The following SNX29 variants were observed in gnomAD, a reference collection of about 807,000 sequenced individuals.
SNX29 encodes the protein sorting nexin-29.
SNX29 carries 78 observed loss-of-function variants against 102.1 expected under a neutral mutation model. The ratio of observed to expected loss-of-function variants is 0.76; its 90% CI spans 0.64 to 0.92. SNX29 has a LOEUF of 0.92. Ranked by LOEUF, SNX29 falls within the 40% of genes least tolerant of loss-of-function variation. The pLI is 0.00. For missense variants in SNX29, 1,280 were observed against 1,061.7 expected (o/e 1.21, Z -2.86); for synonymous variants, 580 against 414.5 (o/e 1.40, Z -4.85).
chr16:12,404,904 A>G (rs1212397184), intron 18 of SNX29, among the ~76,000 whole-genome samples: 2 of 152,210 alleles, frequency 1.3e-5, no homozygotes, highest in African/African-American at 2.4e-5. Context: ...CTTACTGGAA[A>G]TCTTAGGGAC....
At chr16:12,283,601 G>C (rs770588342) in intron 15 of SNX29, among the ~76,000 whole-genome samples, 4 of 152,220 alleles carry the variant, frequency 2.6e-5, no homozygotes, top group Non-Finnish European at 5.9e-5. Flanking sequence ...TTACAGGCAT[G>C]AGCCACTTGC....
chr16:12,101,767 T>C (rs2053032438), intron 11 of SNX29, among the ~76,000 whole-genome samples: 1 of 152,206 alleles, frequency 6.6e-6, no homozygotes, highest in Non-Finnish European at 1.5e-5. Flanking sequence ...AAGGAAAGTA[T>C]CTTTTTAATT....
intron 14 of SNX29, among the ~76,000 whole-genome samples, chr16:12,251,501 G>A (rs977399378): frequency 2.0e-5 from 3 of 152,082 alleles, no homozygotes; most frequent in Non-Finnish European, 4.4e-5. Context: ...TCAGGAGTTC[G>A]AGACAATCCT....
chr16:12,214,079 C>T (rs1406007809), intron 14 of SNX29, among the ~76,000 whole-genome samples: 1 of 152,340 alleles, frequency 6.6e-6, no homozygotes, highest in Admixed American at 6.5e-5. Context: ...GCCCTCGTCT[C>T]TCTGGCGACC....
At chr16:12,020,469 T>C (rs2056984819) in intron 3 of SNX29, among the ~76,000 whole-genome samples, 1 of 152,114 alleles carries the variant, frequency 6.6e-6, no homozygotes, top group South Asian at 2.1e-4. Context: ...CCCAAATTGC[T>C]GGGATTGCAG....
At chr16:12,485,084 A>C (rs1440606554) in intron 19 of SNX29, among the ~76,000 whole-genome samples, 2 of 152,246 alleles carry the variant, frequency 1.3e-5, no homozygotes, top group Non-Finnish European at 2.9e-5. Context: ...ACATTCAAAA[A>C]ATCTCAATTC....
intron 8 of SNX29, among the ~76,000 whole-genome samples, chr16:12,055,066 T>C (rs2050463620): frequency 6.6e-6 from 1 of 152,064 alleles, no homozygotes; most frequent in African/African-American, 2.4e-5. Context: ...TGCTGTGTTA[T>C]TCAGGGCTTT....
At chr16:11,984,661 C>A (rs939888441) in intron 1 of SNX29, among the ~76,000 whole-genome samples, 6 of 152,010 alleles carry the variant, frequency 3.9e-5, no homozygotes, top group African/African-American at 1.4e-4. Context: ...CCTTTCCTCT[C>A]TTTTTCTTTT....
At position 12,549,786 on chromosome 16, in the gene SNX29, C is replaced by T. The variant is rs139325558; in HGVS notation, c.2319-18720C>T. 6.2e-3 allele frequency among the ~76,000 whole-genome samples: 942 copies of T among 152,362 alleles called. 14 individuals are homozygous for T. Among genetic ancestry groups the T allele is most frequent in the African/African-American group, 0.022 (897 of 41,596 alleles). ...GTGATTAGCAGGTGATTTCTACTTG[C>T]AGACAAGGCCCATCATGGCTTCTGT... is the stretch of plus-strand genomic sequence containing the variant. On this transcript the variant is annotated intron_variant, in intron 20 of 20. Coordinates refer to ENST00000566228, the MANE Select transcript of SNX29 (RefSeq NM_032167.5).
chr16:12,058,360 G>C (rs1023007201), intron 8 of SNX29, among the ~76,000 whole-genome samples: 2 of 151,934 alleles, frequency 1.3e-5, no homozygotes, highest in Admixed American at 6.6e-5. Flanking sequence ...AGGAGCAACA[G>C]TTGTAATAAT....
intron 20 of SNX29, among the ~76,000 whole-genome samples, chr16:12,553,423 G>A (rs899903484): frequency 7.9e-5 from 12 of 152,286 alleles, no homozygotes; most frequent in African/African-American, 2.9e-4. Context: ...AACCAGGTCT[G>A]ACACACTCCA....
intron 18 of SNX29, among the ~76,000 whole-genome samples, chr16:12,477,084 C>A (rs1468900100): frequency 1.3e-5 from 2 of 152,192 alleles, no homozygotes; most frequent in Non-Finnish European, 2.9e-5. Context: ...GATGAAACAG[C>A]CCTTACATTC....
intron 19 of SNX29, among the ~76,000 whole-genome samples, chr16:12,485,115 T>G (rs2088162822): frequency 1.3e-5 from 2 of 152,196 alleles, no homozygotes; most frequent in African/African-American, 4.8e-5. Context: ...TACATAAACT[T>G]TCAAGGTGAC....
intron 9 of SNX29, among the ~76,000 whole-genome samples, chr16:12,066,135 G>A (rs1264869098): frequency 1.3e-5 from 2 of 152,116 alleles, no homozygotes; most frequent in African/African-American, 4.8e-5. Flanking sequence ...CCATGCCTTT[G>A]CCCCAGCTGT....
At chr16:12,065,825 G>A (rs988130970) in intron 9 of SNX29, among the ~76,000 whole-genome samples, 3 of 152,162 alleles carry the variant, frequency 2.0e-5, no homozygotes, top group African/African-American at 7.2e-5. Context: ...GTGGGTACAG[G>A]CTCAGCTCTG....
chr16:12,054,239 T>C (rs1043361335), intron 8 of SNX29, among the ~76,000 whole-genome samples: 1 of 152,260 alleles, frequency 6.6e-6, no homozygotes, highest in Non-Finnish European at 1.5e-5. Context: ...GTGCTGGGAT[T>C]ACAGGCATGA....
At chr16:12,524,938 G>A in intron 20 of SNX29, 97 bp downstream of exon 20, 2 of 1,510,648 alleles carry the variant, frequency 1.3e-6, no homozygotes, top group African/African-American at 1.4e-5. Context: ...TCTCCGTGAT[G>A]CCCTGATCGC....
chr16:12,380,492 A>G (rs1276608788), intron 16 of SNX29, among the ~76,000 whole-genome samples: 1 of 90,754 alleles, frequency 1.1e-5, no homozygotes, highest in Non-Finnish European at 2.3e-5. Flanking sequence ...CCCACCATCC[A>G]TCCACCTATC....
chr16:12,143,413 C>T (rs1026752021), intron 13 of SNX29, among the ~76,000 whole-genome samples: 1 of 143,554 alleles, frequency 7.0e-6, no homozygotes, highest in Non-Finnish European at 1.5e-5. Flanking sequence ...TCCTGCTTCT[C>T]AGGGTTAGGG....
Sources: allele counts gnomAD v4.1 joint callset (sites outside exome capture counted in the v4.1 genomes callset), GRCh38; gene constraint gnomAD v4.1.1; transcripts MANE v1.5; gene names NCBI Gene and HGNC (gene_info 2026-07-23, HGNC 2026-07-21).